Variants in ULK4 observed in about 807,000 individuals in gnomAD.
ULK4 encodes unc-51 like kinase 4, also known as inactive serine/threonine-protein kinase ULK4.
In ULK4, 133 loss-of-function variants were observed where a neutral mutation model predicts 160.6. That is an observed-to-expected ratio of 0.83 (90% CI 0.72 to 0.96). The LOEUF is 0.96. Ranked by LOEUF, ULK4 falls within the 40% of genes least tolerant of loss-of-function variation. ULK4 has a pLI of 0.00. For missense variants in ULK4, 1,580 were observed against 1,499.5 expected (o/e 1.05, Z -0.89); for synonymous variants, 534 against 539.8 (o/e 0.99, Z 0.15).
intron 21 of ULK4, among the ~76,000 whole-genome samples, chr3:41,772,368 T>TA (rs1291466848): frequency 3.3e-5 from 5 of 151,652 alleles, no homozygotes; most frequent in Admixed American, 1.3e-4. Flanking sequence ...ATAGATGCAA[T>TA]AAAAAATGAT....
intron 35 of ULK4, among the ~76,000 whole-genome samples, chr3:41,290,095 G>A (rs1337308928): frequency 6.6e-6 from 1 of 152,022 alleles, no homozygotes; most frequent in Non-Finnish European, 1.5e-5. Flanking sequence ...GGCTGGTCTC[G>A]AACTCCTGAC....
rs374137752 is a variant in ULK4 at position 41,779,909 on chromosome 3, G to A, written c.2193+9752C>T. Among the ~76,000 whole-genome samples, 14 of 85,350 alleles carry A rather than the reference G, an allele frequency of 1.6e-4. 1 individual carries two copies. The highest frequency in any genetic ancestry group is 7.6e-4 in the East Asian group (3 of 3,938). The allele number at this position is 85,350 out of a possible 152,430, so 56.0% of individuals were successfully genotyped here. A position where few individuals can be genotyped will look rare whatever the true frequency, so the allele number is the denominator to read the frequency against. On this transcript the variant is annotated intron_variant, in intron 21 of 36. Coordinates refer to ENST00000301831, the MANE Select transcript of ULK4 (RefSeq NM_017886.4). ...TAGATGACACATTAGTGGGTGCAGC[G>A]CACCAGCATGGCACATGTATACATA...
intron 32 of ULK4, among the ~76,000 whole-genome samples, chr3:41,497,750 T>C (rs2085043774): frequency 6.6e-6 from 1 of 152,134 alleles, no homozygotes; most frequent in African/African-American, 2.4e-5. Context: ...AGTGCAGTAA[T>C]ACATGCCTGT....
At chr3:41,605,134 T>C (rs1269734390) in intron 31 of ULK4, among the ~76,000 whole-genome samples, 1 of 151,742 alleles carries the variant, frequency 6.6e-6, no homozygotes, top group African/African-American at 2.4e-5. Context: ...AAGGTGCACA[T>C]ATATCATAAA....
rs761455442 is a variant in ULK4, at chr3:41,663,562, T to C, written c.3071+45A>G. The C allele has an allele frequency of 8.2e-5, 125 of 1,517,796 alleles. 1 individual carries two copies. Among genetic ancestry groups the C allele is most frequent in the Admixed American group, 3.9e-4 (23 of 59,114 alleles). The allele number at this position is 1,517,796 out of a possible 1,614,324, so 94.0% of individuals were successfully genotyped here. A position where few individuals can be genotyped will look rare whatever the true frequency, so the allele number is the denominator to read the frequency against. On this transcript the variant is annotated intron_variant, in intron 30 of 36. Transcript: ENST00000301831. The stretch of plus-strand genomic sequence containing the variant: ...ACATTTTCACAACACATAAAATTCA[T>C]TTTATAGGTGAGACACAAGAAAAAG...
chr3:41,707,830 A>G (rs1575591745), intron 25 of ULK4, among the ~76,000 whole-genome samples: 1 of 148,856 alleles, frequency 6.7e-6, no homozygotes, highest in Non-Finnish European at 1.5e-5. Context: ...CTTGTCTCCA[A>G]AAAAAGAAAA....
At chr3:41,627,440 C>T (rs528175229) in intron 30 of ULK4, among the ~76,000 whole-genome samples, 27 of 152,328 alleles carry the variant, frequency 1.8e-4, no homozygotes, top group Non-Finnish European at 3.5e-4. Context: ...AGACACATGA[C>T]ACAAGAGGCG....
chr3:41,665,923 T>C (rs909151154), intron 29 of ULK4, among the ~76,000 whole-genome samples: 1 of 152,206 alleles, frequency 6.6e-6, no homozygotes, highest in Non-Finnish European at 1.5e-5. Context: ...AGAAAACTTG[T>C]TATACTCCCA....
intron 18 of ULK4, among the ~76,000 whole-genome samples, chr3:41,826,033 C>A (rs980982818): frequency 7.2e-5 from 11 of 152,148 alleles, no homozygotes; most frequent in African/African-American, 1.2e-4. Flanking sequence ...GAATTTTCAA[C>A]CCAGAATTTC....
At chr3:41,722,635 AAATT>A (rs752128515) in intron 22 of ULK4, among the ~76,000 whole-genome samples, 56 of 151,960 alleles carry the variant, frequency 3.7e-4, no homozygotes, top group African/African-American at 1.1e-3. Flanking sequence ...CCATCTCAAA[AAATT>A]AATTAATTAA....
At chr3:41,703,463 C>T (rs571701803) in intron 27 of ULK4, among the ~76,000 whole-genome samples, 5 of 151,762 alleles carry the variant, frequency 3.3e-5, no homozygotes, top group African/African-American at 1.2e-4. Flanking sequence ...ATATTTTAAC[C>T]AGAAGATTAA....
intron 1 of ULK4, among the ~76,000 whole-genome samples, chr3:41,957,377 CGCA>C (rs1352509817): frequency 7.1e-6 from 1 of 140,142 alleles, no homozygotes; most frequent in Non-Finnish European, 1.5e-5. Context: ...ATCACTTGAA[CGCA>C]GGAGGCAGAG....
At chr3:41,600,267 G>A (rs939476938) in intron 31 of ULK4, among the ~76,000 whole-genome samples, 6 of 152,182 alleles carry the variant, frequency 3.9e-5, no homozygotes, top group South Asian at 2.1e-4. Flanking sequence ...TGATCTGTGC[G>A]CAGGTGGTGA....
intron 32 of ULK4, among the ~76,000 whole-genome samples, chr3:41,558,164 T>C (rs957456562): frequency 6.6e-6 from 1 of 152,176 alleles, no homozygotes; most frequent in Non-Finnish European, 1.5e-5. Context: ...TGTATAAAAC[T>C]ATTCATTGTA....
chr3:41,690,688 A>G (rs2125805734), intron 27 of ULK4, among the ~76,000 whole-genome samples: 1 of 151,800 alleles, frequency 6.6e-6, no homozygotes, highest in South Asian at 2.1e-4. Flanking sequence ...CCAGGGTTCT[A>G]CGCCACTCCC....
chr3:41,895,816 C>T (rs766096363), intron 15 of ULK4, among the ~76,000 whole-genome samples: 2 of 152,110 alleles, frequency 1.3e-5, no homozygotes, highest in Non-Finnish European at 2.9e-5. Context: ...ACCTGATAGA[C>T]ACACACCAAC....
chr3:41,630,467 G>A (rs1221947586), intron 30 of ULK4, among the ~76,000 whole-genome samples: 5 of 152,064 alleles, frequency 3.3e-5, no homozygotes, highest in Non-Finnish European at 5.9e-5. Flanking sequence ...TCTCCTCCAC[G>A]TCAAATCCTT....
chr3:41,297,422 C>T (rs1261490844), intron 35 of ULK4, among the ~76,000 whole-genome samples: 2 of 152,236 alleles, frequency 1.3e-5, no homozygotes, highest in African/African-American at 4.8e-5. Flanking sequence ...CAACATACTG[C>T]ACTGGCAAAA....
At chr3:41,305,818 C>G (rs1482378476) in intron 35 of ULK4, among the ~76,000 whole-genome samples, 1 of 150,204 alleles carries the variant, frequency 6.7e-6, no homozygotes, top group Admixed American at 6.6e-5. Flanking sequence ...AAGTGAGGAG[C>G]GTCTCTGCCC....
Sources: allele counts gnomAD v4.1 joint callset (sites outside exome capture counted in the v4.1 genomes callset), GRCh38; gene constraint gnomAD v4.1.1; transcripts MANE v1.5; gene names NCBI Gene and HGNC (gene_info 2026-07-23, HGNC 2026-07-21).